EGFR: variants seen among roughly 807,000 people sequenced by gnomAD.
The protein encoded by EGFR is epidermal growth factor receptor, also known as avian erythroblastic leukemia viral (v-erb-b) oncogene homolog.
A neutral mutation model predicts 143.0 loss-of-function variants in EGFR; 58 were observed. That is an observed-to-expected ratio of 0.41 (90% CI 0.33 to 0.50). The LOEUF is 0.50. Ranked by LOEUF, EGFR falls within the 20% of genes least tolerant of loss-of-function variation. The pLI, the probability that EGFR is intolerant of heterozygous loss-of-function variation, is 0.39. For missense variants in EGFR, 1,307 were observed against 1,579.0 expected, an observed-to-expected ratio of 0.83 and a Z score of 2.92; for synonymous variants, 613 against 594.4, an observed-to-expected ratio of 1.03 and a Z score of -0.45.
At chr7:55,196,134 A>C (rs1787601941) in intron 22 of EGFR, among the ~76,000 whole-genome samples, 1 of 142,384 alleles carries the variant, frequency 7.0e-6, no homozygotes. Context: ...CCAACAGTGT[A>C]AAAGCATTCC....
Position 55,052,563 on chromosome 7 carries a change from G to A in EGFR, c.88+33198G>A, listed in dbSNP as rs556064948. ...CTGTGTCCTGCTGAAGGCACACTAA[G>A]TGCTGCCCTTCCCAGAAGCCTCAGG... On this transcript the variant is annotated intron_variant, in intron 1 of 27. Coordinates refer to ENST00000275493, the MANE Select transcript of EGFR (RefSeq NM_005228.5). Among the ~76,000 whole-genome samples the A allele has an allele frequency of 3.5e-4, 53 of 152,356 alleles. 1 individual carries two copies. In the South Asian group the frequency reaches 9.7e-3, roughly 28 times the overall value.
intron 3 of EGFR, among the ~76,000 whole-genome samples, chr7:55,145,649 C>A (rs12536476): frequency 0.5 from 76,062 of 152,054 alleles, 19,138 homozygotes; most frequent in South Asian, 0.54. Flanking sequence ...CCATTCCCTG[C>A]CTGGGGAGCT....
At chr7:55,036,048 A>G (rs1045780212) in intron 1 of EGFR, among the ~76,000 whole-genome samples, 2 of 152,042 alleles carry the variant, frequency 1.3e-5, no homozygotes, top group Non-Finnish European at 2.9e-5. Flanking sequence ...TTTGGAAGTT[A>G]ATTTTCTTAA....
At chr7:55,111,717 T>G (rs573892206) in intron 1 of EGFR, among the ~76,000 whole-genome samples, 59 of 152,306 alleles carry the variant, frequency 3.9e-4, no homozygotes, top group Non-Finnish European at 6.8e-4. Flanking sequence ...TTGGATGTTA[T>G]GATAGCCAGC....
chr7:55,151,212 T>C, intron 4 of EGFR, 82 bp from the exon 5 acceptor site: 1 of 1,357,644 alleles, frequency 7.4e-7, no homozygotes. Context: ...TTATTGAATG[T>C]GCTTAACTCA....
chr7:55,128,686 G>A (rs1347099501), intron 1 of EGFR, among the ~76,000 whole-genome samples: 1 of 152,148 alleles, frequency 6.6e-6, no homozygotes, highest in East Asian at 1.9e-4. Flanking sequence ...ACTCTAGTTA[G>A]ATCTCAAATA....
At chr7:55,019,462 C>T (rs1195447891) in intron 1 of EGFR, 97 bp downstream of exon 1, 3 of 663,240 alleles carry the variant, frequency 4.5e-6, no homozygotes, top group South Asian at 1.4e-4. Flanking sequence ...GCTCGGCGCC[C>T]GCGCCCCCGC....
intron 20 of EGFR, among the ~76,000 whole-genome samples, chr7:55,191,047 T>C (rs1299617624): frequency 6.6e-6 from 1 of 152,132 alleles, no homozygotes; most frequent in Non-Finnish European, 1.5e-5. Flanking sequence ...ATTCACTCTG[T>C]TGGGCGCTGT....
In EGFR at chr7:55,173,195, G is replaced by A. The variant is rs548347582; in HGVS notation, c.2061+71G>A. 2,060 of 1,588,670 alleles carry A rather than the reference G, an allele frequency of 1.3e-3. 2 individuals carry two copies. Among genetic ancestry groups the A allele is most frequent in the Non-Finnish European group, 1.6e-3 (1,899 of 1,170,924 alleles). On this transcript the variant is annotated intron_variant, in intron 17 of 27. Coordinates refer to ENST00000275493, the MANE Select transcript of EGFR (RefSeq NM_005228.5). ...AGGAACAAGGGCCAGCCCCGAGAAC[G>A]GGCCATTAGCAGTTGTGTATGTTAG...
rs75840154 is a variant in EGFR, at chr7:55,049,904, G to A, written c.88+30539G>A. Among the ~76,000 whole-genome samples, 1,132 of 151,966 alleles carry A rather than the reference G, an allele frequency of 7.4e-3. 7 individuals carry two copies. The highest frequency in any genetic ancestry group is 0.012 in the Non-Finnish European group (836 of 67,976). ...TTCCACTCATGACCTCACATCTGTGGGCTCCCACATTGTCTTCCAAAACAC... is the reference window on the plus strand; with the variant it reads ...TTCCACTCATGACCTCACATCTGTGAGCTCCCACATTGTCTTCCAAAACAC... On this transcript the variant is annotated intron_variant, in intron 1 of 27. Transcript: ENST00000275493.
At chr7:55,080,656 T>C (rs751172927) in intron 1 of EGFR, among the ~76,000 whole-genome samples, 14 of 152,246 alleles carry the variant, frequency 9.2e-5, no homozygotes, top group Middle Eastern at 6.8e-3. Context: ...CAATGTATTG[T>C]ATACATGAAA....
At chr7:55,022,901 G>T (rs1786658407) in intron 1 of EGFR, among the ~76,000 whole-genome samples, 1 of 152,202 alleles carries the variant, frequency 6.6e-6, no homozygotes. Context: ...AATGTTTTTA[G>T]AAGTAGTCTC....
chr7:55,173,521 C>G (rs1249230909), intron 17 of EGFR, among the ~76,000 whole-genome samples: 1 of 152,238 alleles, frequency 6.6e-6, no homozygotes, highest in Non-Finnish European at 1.5e-5. Context: ...ACAGCCCAGT[C>G]CTGTGCTGGA....
chr7:55,095,276 C>G (rs1283274591), intron 1 of EGFR, among the ~76,000 whole-genome samples: 1 of 152,230 alleles, frequency 6.6e-6, no homozygotes, highest in African/African-American at 2.4e-5. Context: ...GTTACTTAAC[C>G]TCTCAAAACT....
At chr7:55,039,156 A>T (rs1289337004) in intron 1 of EGFR, among the ~76,000 whole-genome samples, 3 of 152,212 alleles carry the variant, frequency 2.0e-5, no homozygotes, top group Non-Finnish European at 2.9e-5. Flanking sequence ...ACTTTAAGTG[A>T]ATGTAGGCCC....
intron 5 of EGFR, 111 bp downstream of exon 5, chr7:55,151,473 A>G (rs1785149422): frequency 1.1e-5 from 12 of 1,115,306 alleles, no homozygotes; most frequent in Non-Finnish European, 1.6e-5. Flanking sequence ...TTACTTTATT[A>G]CAGGGTCAGA....
intron 1 of EGFR, among the ~76,000 whole-genome samples, chr7:55,123,653 GA>G (rs1793344273): frequency 6.6e-6 from 1 of 152,096 alleles, no homozygotes; most frequent in African/African-American, 2.4e-5. Flanking sequence ...GGCTTTGCAA[GA>G]GGAGGTCTAG....
chr7:55,050,196 C>T (rs928741705), intron 1 of EGFR, among the ~76,000 whole-genome samples: 2 of 152,188 alleles, frequency 1.3e-5, no homozygotes, highest in African/African-American at 4.8e-5. Flanking sequence ...TCCAGAGCTC[C>T]TTTCATCTTG....
intron 9 of EGFR, 26 bp downstream of exon 9, chr7:55,156,685 A>G (rs759968695): frequency 6.2e-7 from 1 of 1,614,256 alleles, no homozygotes; most frequent in South Asian, 1.1e-5. Context: ...AGTTGCTTGT[A>G]TAAAGAAAAA....
Sources: gnomAD v4.1 joint callset for allele counts (sites outside exome capture counted in the v4.1 genomes callset) on GRCh38, gnomAD v4.1.1 for gene constraint, MANE v1.5 for transcripts, NCBI Gene and HGNC (gene_info 2026-07-23, HGNC 2026-07-21) for gene names.